Variants in NRXN1 observed in about 807,000 individuals in gnomAD.
NRXN1 encodes neurexin-1.
NRXN1 carries 39 observed loss-of-function variants against 150.9 expected under a neutral mutation model. The observed-to-expected ratio is 0.26, with a 90% confidence interval of 0.20 to 0.34. The LOEUF is 0.34. NRXN1 is among the 10% of genes least tolerant of loss of function. NRXN1 has a pLI of 1.00. For missense variants in NRXN1, 1,815 were observed against 1,949.9 expected, an observed-to-expected ratio of 0.93 and a Z score of 1.30; for synonymous variants, 924 against 757.0, an observed-to-expected ratio of 1.22 and a Z score of -3.62.
intron 5 of NRXN1, among the ~76,000 whole-genome samples, chr2:50,846,986 C>G (rs1374257872): frequency 6.6e-6 from 1 of 152,066 alleles, no homozygotes; most frequent in African/African-American, 2.4e-5. Context: ...AAAGTATGCT[C>G]TAGTGGTAAT....
chr2:50,323,724 T>C (rs1167388127), intron 17 of NRXN1, among the ~76,000 whole-genome samples: 1 of 152,190 alleles, frequency 6.6e-6, no homozygotes, highest in Non-Finnish European at 1.5e-5. Flanking sequence ...TCTAGGTTCC[T>C]CTAAGTCCTT....
intron 17 of NRXN1, among the ~76,000 whole-genome samples, chr2:50,331,205 T>C: frequency 6.6e-6 from 1 of 152,078 alleles, no homozygotes; most frequent in East Asian, 1.9e-4. Flanking sequence ...AAATATATGC[T>C]GGAAATAATA....
At chr2:50,415,358 T>C (rs927822855) in intron 17 of NRXN1, among the ~76,000 whole-genome samples, 1 of 152,158 alleles carries the variant, frequency 6.6e-6, no homozygotes, top group African/African-American at 2.4e-5. Flanking sequence ...GTGTATTTTT[T>C]TATGGCTCAA....
chr2:50,020,500 G>A (rs1185990615), intron 21 of NRXN1, among the ~76,000 whole-genome samples: 2 of 152,186 alleles, frequency 1.3e-5, no homozygotes, highest in Non-Finnish European at 2.9e-5. Flanking sequence ...TATCCTCAGA[G>A]TATGCTTTAG....
intron 2 of NRXN1, among the ~76,000 whole-genome samples, chr2:50,946,384 T>C (rs931167589): frequency 6.6e-6 from 1 of 152,168 alleles, no homozygotes; most frequent in Admixed American, 6.6e-5. Flanking sequence ...CTGCATAAAC[T>C]GTGCACCTTT....
At chr2:50,142,889 AC>A (rs1342424281) in intron 18 of NRXN1, among the ~76,000 whole-genome samples, 1 of 151,964 alleles carries the variant, frequency 6.6e-6, no homozygotes, top group Non-Finnish European at 1.5e-5. Flanking sequence ...CATAGAACCT[AC>A]AAAGAATACA....
chr2:50,531,076 C>A, intron 11 of NRXN1, 151 bp downstream of exon 11: 2 of 564,538 alleles, frequency 3.5e-6, no homozygotes, highest in Non-Finnish European at 6.2e-6. Flanking sequence ...AAAAGATGCC[C>A]CCGAAAACCT....
At chr2:50,562,410 C>T (rs1333348783) in intron 8 of NRXN1, among the ~76,000 whole-genome samples, 1 of 151,952 alleles carries the variant, frequency 6.6e-6, no homozygotes, top group African/African-American at 2.4e-5. Flanking sequence ...CATTGACATA[C>T]TATCTATTGT....
rs189790660 is a variant in NRXN1 at position 50,415,734 on chromosome 2, C to T, written c.3364+49708G>A. Among the ~76,000 whole-genome samples, 20 of 151,940 alleles carry T rather than the reference C, an allele frequency of 1.3e-4. No homozygotes were observed. The East Asian group carries it at 3.9e-3, about 29-fold the overall frequency. ...CACACATCATCATAAATATTGAGTC[C>T]AGGACCAATACCTTATCACTCGTAG... On this transcript the variant is annotated intron_variant, in intron 17 of 22. Transcript: ENST00000401669.
At chr2:50,601,506 T>C (rs926588733) in intron 8 of NRXN1, among the ~76,000 whole-genome samples, 2 of 152,218 alleles carry the variant, frequency 1.3e-5, no homozygotes, top group Non-Finnish European at 2.9e-5. Flanking sequence ...GTAATTATGA[T>C]CTTGACTTCT....
rs1685653242 is a variant in NRXN1, at chr2:50,651,647, A to C, written c.833-28032T>G. On this transcript the variant is annotated intron_variant, in intron 5 of 22. Transcript: ENST00000401669. ...ACTCCGGCCTGAATGACACAGTAAAACTCTATCTCAAAAAGAAAGAAAGAA... is the reference window on the plus strand; with the variant it reads ...ACTCCGGCCTGAATGACACAGTAAACCTCTATCTCAAAAAGAAAGAAAGAA... Among the ~76,000 whole-genome samples the C allele has an allele frequency of 1.3e-5, 2 of 151,868 alleles. 1 individual carries two copies.
intron 17 of NRXN1, among the ~76,000 whole-genome samples, chr2:50,297,674 T>A (rs1192101830): frequency 6.6e-6 from 1 of 152,182 alleles, no homozygotes; most frequent in African/African-American, 2.4e-5. Context: ...GGTAATTTAA[T>A]CAAGACAAAG....
intron 21 of NRXN1, among the ~76,000 whole-genome samples, chr2:50,042,487 A>G (rs2152591281): frequency 6.6e-6 from 1 of 152,306 alleles, no homozygotes; most frequent in Middle Eastern, 3.4e-3. Context: ...CAGAACTGTG[A>G]GCCAATTAAA....
At chr2:50,201,245 C>A (rs1032187994) in intron 18 of NRXN1, among the ~76,000 whole-genome samples, 1 of 152,090 alleles carries the variant, frequency 6.6e-6, no homozygotes, top group Admixed American at 6.6e-5. Context: ...TAAAATAGTT[C>A]AAGTGATTTT....
chr2:50,494,770 C>A (rs2091462018), intron 15 of NRXN1, among the ~76,000 whole-genome samples: 1 of 152,266 alleles, frequency 6.6e-6, no homozygotes, highest in South Asian at 2.1e-4. Context: ...CAGTGGCTCA[C>A]ACCTGTAATC....
chr2:50,840,270 C>G (rs2105925130), intron 5 of NRXN1, among the ~76,000 whole-genome samples: 1 of 152,196 alleles, frequency 6.6e-6, no homozygotes, highest in African/African-American at 2.4e-5. Context: ...CTTTAAGCAG[C>G]AACTTTGCCA....
chr2:50,709,382 T>C (rs538219616), intron 5 of NRXN1, among the ~76,000 whole-genome samples: 3 of 152,028 alleles, frequency 2.0e-5, no homozygotes, highest in Non-Finnish European at 2.9e-5. Context: ...TACAGTGAAA[T>C]AGAAATACAC....
At chr2:50,292,236 G>T (rs2152945154) in intron 17 of NRXN1, among the ~76,000 whole-genome samples, 1 of 152,204 alleles carries the variant, frequency 6.6e-6, no homozygotes, top group Non-Finnish European at 1.5e-5. Context: ...ATATAAAATT[G>T]ACATTTCACT....
chr2:50,927,999 A>G (rs1687159714), intron 2 of NRXN1, among the ~76,000 whole-genome samples: 1 of 151,984 alleles, frequency 6.6e-6, no homozygotes, highest in Non-Finnish European at 1.5e-5. Context: ...TTCAGTCCTG[A>G]CGGCAAGTTC....
Sources: gnomAD v4.1 joint callset for allele counts (sites outside exome capture counted in the v4.1 genomes callset) on GRCh38, gnomAD v4.1.1 for gene constraint, MANE v1.5 for transcripts, NCBI Gene and HGNC (gene_info 2026-07-23, HGNC 2026-07-21) for gene names.